CALD1: variants seen among roughly 807,000 people sequenced by gnomAD.
CALD1 encodes the protein caldesmon.
Under a neutral mutation model 99.9 loss-of-function variants are expected in CALD1, and 33 were observed. The observed-to-expected ratio is 0.33, with a 90% confidence interval of 0.25 to 0.44. The LOEUF is 0.44. CALD1 is among the 20% of genes least tolerant of loss of function. The pLI is 1.00. For missense variants in CALD1, 861 were observed against 962.1 expected, an observed-to-expected ratio of 0.89 and a Z score of 1.39; for synonymous variants, 310 against 325.0, an observed-to-expected ratio of 0.95 and a Z score of 0.50.
intron 3 of CALD1, among the ~76,000 whole-genome samples, chr7:134,884,201 G>T (rs1801743324): frequency 1.3e-5 from 2 of 152,188 alleles, no homozygotes; most frequent in Admixed American, 6.5e-5. Context: ...ATATCCAAAT[G>T]AGACAGACCT....
chr7:134,752,071 T>C (rs1414797370), intron 1 of CALD1, among the ~76,000 whole-genome samples: 1 of 152,186 alleles, frequency 6.6e-6, no homozygotes, highest in Non-Finnish European at 1.5e-5. Context: ...ATATTTTAGC[T>C]CAAGACATAC....
chr7:134,941,344 G>T, intron 7 of CALD1, 107 bp downstream of exon 7: 1 of 882,320 alleles, frequency 1.1e-6, no homozygotes, highest in Non-Finnish European at 1.7e-6. Context: ...TGCTAAGCAG[G>T]CAGCATGCTT....
chr7:134,719,738 G>A, the CALD1 span, among the ~76,000 whole-genome samples: 121 of 152,270 alleles, frequency 7.9e-4, no homozygotes, highest in Non-Finnish European at 1.4e-3. Flanking sequence ...GAGCTTTTAA[G>A]GACCCCAATC....
At chr7:134,751,640 T>G (rs546814855) in intron 1 of CALD1, among the ~76,000 whole-genome samples, 6 of 136,324 alleles carry the variant, frequency 4.4e-5, no homozygotes, top group Admixed American at 7.8e-5. Flanking sequence ...TTTTTCTTTC[T>G]CTTCAAAGTC....
At chr7:134,833,980 G>C (rs964437967) in intron 1 of CALD1, among the ~76,000 whole-genome samples, 1 of 152,196 alleles carries the variant, frequency 6.6e-6, no homozygotes, top group African/African-American at 2.4e-5. Flanking sequence ...TTCTTCCACG[G>C]AAGAAAGATG....
At chr7:134,855,430 G>C (rs141423974) in intron 2 of CALD1, among the ~76,000 whole-genome samples, 1 of 152,168 alleles carries the variant, frequency 6.6e-6, no homozygotes, top group African/African-American at 2.4e-5. Flanking sequence ...ATGCTCATTC[G>C]TTTACAAGAG....
At chr7:134,873,981 G>A (rs1801226963) in intron 3 of CALD1, among the ~76,000 whole-genome samples, 1 of 152,066 alleles carries the variant, frequency 6.6e-6, no homozygotes, top group African/African-American at 2.4e-5. Flanking sequence ...GCACATCATA[G>A]ATGGTACAAG....
chr7:134,939,040 T>C (rs1806222108), intron 6 of CALD1, among the ~76,000 whole-genome samples: 1 of 152,140 alleles, frequency 6.6e-6, no homozygotes, highest in Non-Finnish European at 1.5e-5. Flanking sequence ...CTAAAATGGG[T>C]TTCCCTCACA....
intron 2 of CALD1, among the ~76,000 whole-genome samples, chr7:134,866,091 T>C (rs1800790244): frequency 6.6e-6 from 1 of 152,162 alleles, no homozygotes; most frequent in Non-Finnish European, 1.5e-5. Context: ...TAGACCCTAC[T>C]GCCCACAGGG....
At chr7:134,808,293 A>C (rs971259439) in intron 1 of CALD1, among the ~76,000 whole-genome samples, 9 of 151,364 alleles carry the variant, frequency 5.9e-5, no homozygotes, top group Non-Finnish European at 7.4e-5. Flanking sequence ...CTTTTTGTAG[A>C]GACAACGTCT....
chr7:134,881,615 G>A (rs893441082), intron 3 of CALD1, among the ~76,000 whole-genome samples: 8 of 152,188 alleles, frequency 5.3e-5, no homozygotes, highest in Non-Finnish European at 7.3e-5. Context: ...TTAACTATAT[G>A]TAGAGTTGCA....
chr7:134,822,596 A>G (rs1157965267), intron 1 of CALD1, among the ~76,000 whole-genome samples: 1 of 152,234 alleles, frequency 6.6e-6, no homozygotes, highest in Non-Finnish European at 1.5e-5. Context: ...TGGAATCTCA[A>G]ACATATTCTG....
At chr7:134,816,203 T>C (rs3800714) in intron 1 of CALD1, among the ~76,000 whole-genome samples, 96,348 of 152,064 alleles carry the variant, frequency 0.63, 30,941 homozygotes, top group East Asian at 0.95. Flanking sequence ...TTAAAAAAGC[T>C]AAATTTTATG....
chr7:134,928,749 T>G lies in CALD1; in HGVS notation c.72-5T>G. On this transcript the variant is annotated splice_polypyrimidine_tract_variant and splice_region_variant and intron_variant, in intron 3 of 14. Transcript: ENST00000361675. Reference sequence around the variant, plus strand: ...GCTCAAGAGGTTGTCTTTGTAATGTTGCAGAATCGCCTACCAGAGGAATGA... The same window carrying G: ...GCTCAAGAGGTTGTCTTTGTAATGTGGCAGAATCGCCTACCAGAGGAATGA... 1 of 1,613,068 alleles carries G rather than the reference T, an allele frequency of 6.2e-7. No homozygotes were observed. The highest frequency in any genetic ancestry group is 8.5e-7 in the Non-Finnish European group (1 of 1,179,554).
chr7:134,865,369 G>T (rs186695879), intron 2 of CALD1, among the ~76,000 whole-genome samples: 1 of 151,626 alleles, frequency 6.6e-6, no homozygotes. Context: ...ACACACCACC[G>T]AGAGTCATAC....
intron 3 of CALD1, among the ~76,000 whole-genome samples, chr7:134,890,537 G>C (rs1802106400): frequency 6.6e-6 from 1 of 152,056 alleles, no homozygotes; most frequent in African/African-American, 2.4e-5. Context: ...GTTCTCACTT[G>C]ACAGAAAGCC....
intron 5 of CALD1, 132 bp downstream of exon 5, chr7:134,934,209 T>G: frequency 7.2e-7 from 1 of 1,380,804 alleles, no homozygotes; most frequent in Non-Finnish European, 9.9e-7. Flanking sequence ...GTTCATTTTT[T>G]CAGGCCATAG....
chr7:134,960,385 C>T (rs1427887602), intron 12 of CALD1, 148 bp from the exon 13 acceptor site: 1 of 658,408 alleles, frequency 1.5e-6, no homozygotes, highest in African/African-American at 1.8e-5. Context: ...GGAAAGAAAA[C>T]CAGATAACAT....
intron 1 of CALD1, among the ~76,000 whole-genome samples, chr7:134,807,714 G>A (rs745810239): frequency 2.6e-5 from 4 of 151,934 alleles, no homozygotes; most frequent in South Asian, 2.1e-4. Context: ...TGCAACCTCC[G>A]CCTCCCTAGT....
Sources: allele counts gnomAD v4.1 joint callset (sites outside exome capture counted in the v4.1 genomes callset), GRCh38; gene constraint gnomAD v4.1.1; transcripts MANE v1.5; gene names NCBI Gene and HGNC (gene_info 2026-07-23, HGNC 2026-07-21).